The following EXT2 variants were observed in gnomAD, a reference collection of about 807,000 sequenced individuals.
EXT2 encodes exostosin glycosyltransferase 2.
EXT2 carries 53 observed loss-of-function variants against 81.6 expected under a neutral mutation model. The ratio of observed to expected loss-of-function variants is 0.65; its 90% CI spans 0.52 to 0.82. EXT2 has a LOEUF of 0.82. Among genes scored for constraint, EXT2 ranks in the 40% least tolerant of loss-of-function variants. The pLI is 0.00. For synonymous variants in EXT2, 320 were observed against 340.0 expected, an observed-to-expected ratio of 0.94 and a Z score of 0.65; for missense variants, 774 against 910.2, an observed-to-expected ratio of 0.85 and a Z score of 1.93.
intron 7 of EXT2, among the ~76,000 whole-genome samples, chr11:44,132,038 C>T (rs1343722015): frequency 6.6e-6 from 1 of 152,182 alleles, no homozygotes; most frequent in Non-Finnish European, 1.5e-5. Flanking sequence ...ACCTGGCCCA[C>T]TTTGTGTTAC....
At chr11:44,241,647 T>C (rs1025299029) in intron 13 of EXT2, among the ~76,000 whole-genome samples, 3 of 152,166 alleles carry the variant, frequency 2.0e-5, no homozygotes, top group African/African-American at 7.2e-5. Flanking sequence ...AGAAAACCAT[T>C]AGTTCTTTCT....
At chr11:44,192,451 C>G (rs1238388187) in intron 8 of EXT2, among the ~76,000 whole-genome samples, 1 of 152,092 alleles carries the variant, frequency 6.6e-6, no homozygotes. Flanking sequence ...CTATACCAGG[C>G]TTATAGTGTA....
rs776353910 is a variant in EXT2 at position 44,244,224 on chromosome 11, T to C, written c.2094T>C (p.Pro698=). The C allele has an allele frequency of 6.8e-6, 11 of 1,613,970 alleles. No individual in the cohort carries two copies. In the South Asian group the frequency reaches 9.9e-5, roughly 14 times the overall value. Residue 698 remains proline (P), a synonymous_variant, in exon 14 of 14, where the codon CCT becomes CCC. Transcript: ENST00000533608. ...AGGTGGTGGAACACCGAGCTGACCCTGTCCTGTACAAAGATGACTTTCCTG... is the reference window on the plus strand; with the variant it reads ...AGGTGGTGGAACACCGAGCTGACCCCGTCCTGTACAAAGATGACTTTCCTG... ...PLKVVEHRAD[P]VLYKDDFPEK... is the part of the protein sequence containing the mutation.
chr11:44,120,758 A>C (rs374231054), intron 4 of EXT2, among the ~76,000 whole-genome samples: 4 of 152,194 alleles, frequency 2.6e-5, no homozygotes, highest in African/African-American at 9.6e-5. Context: ...GATTGTTGCT[A>C]TTGATAGCTG....
intron 8 of EXT2, among the ~76,000 whole-genome samples, chr11:44,194,489 A>G (rs1201787861): frequency 2.0e-5 from 3 of 152,214 alleles, no homozygotes; most frequent in African/African-American, 7.2e-5. Flanking sequence ...TTGGGTATGT[A>G]TGTAGGAGGG....
At chr11:44,229,915 G>A (rs1469730944) in intron 10 of EXT2, among the ~76,000 whole-genome samples, 3 of 152,182 alleles carry the variant, frequency 2.0e-5, no homozygotes, top group South Asian at 2.1e-4. Flanking sequence ...TTCTTTGTGC[G>A]TGGAATACCA....
chr11:44,243,845 G>C (rs747988933), intron 13 of EXT2, among the ~76,000 whole-genome samples: 13 of 151,816 alleles, frequency 8.6e-5, no homozygotes, highest in Non-Finnish European at 1.6e-4. Context: ...GGAATTTGAG[G>C]GGGAGGGGAA....
intron 13 of EXT2, among the ~76,000 whole-genome samples, chr11:44,242,465 A>C (rs1956048667): frequency 6.6e-6 from 1 of 152,112 alleles, no homozygotes; most frequent in Non-Finnish European, 1.5e-5. Context: ...AGTCACTGGC[A>C]TGTAATGGTA....
At chr11:44,166,506 C>A (rs1954995918) in intron 7 of EXT2, among the ~76,000 whole-genome samples, 1 of 152,168 alleles carries the variant, frequency 6.6e-6, no homozygotes, top group South Asian at 2.1e-4. Context: ...TTCAGCTTTT[C>A]TTTGAGTAGG....
At chr11:44,183,075 C>A (rs1955258955) in intron 8 of EXT2, among the ~76,000 whole-genome samples, 1 of 152,130 alleles carries the variant, frequency 6.6e-6, no homozygotes, top group East Asian at 1.9e-4. Flanking sequence ...TGATGAGATT[C>A]AAATTATGCA....
intron 9 of EXT2, among the ~76,000 whole-genome samples, chr11:44,201,554 C>G (rs1053454922): frequency 2.0e-5 from 3 of 152,138 alleles, no homozygotes; most frequent in Non-Finnish European, 4.4e-5. Flanking sequence ...AAAGCTCATG[C>G]CCTTTGCACT....
intron 5 of EXT2, 133 bp downstream of exon 5, chr11:44,125,117 C>A: frequency 1.2e-6 from 1 of 839,344 alleles, no homozygotes; most frequent in Non-Finnish European, 2.0e-6. Context: ...CATAGCATTG[C>A]TCTTTACTGG....
chr11:44,113,906 G>T (rs754907120), intron 3 of EXT2, among the ~76,000 whole-genome samples: 1 of 152,174 alleles, frequency 6.6e-6, no homozygotes, highest in African/African-American at 2.4e-5. Context: ...GTAGCAGAGA[G>T]GCTGTCCGTA....
chr11:44,159,518 T>G (rs1486747279), intron 7 of EXT2, among the ~76,000 whole-genome samples: 1 of 152,210 alleles, frequency 6.6e-6, no homozygotes, highest in East Asian at 1.9e-4. Context: ...TTCATCTCTC[T>G]GTTTACATTA....
rs191286968 is a variant in EXT2 at position 44,206,981 on chromosome 11, T to C, written c.1662+22T>C. 11 of 1,609,998 alleles carry C rather than the reference T, an allele frequency of 6.8e-6. No homozygotes were observed. In the African/African-American group the frequency reaches 1.3e-4, roughly 20 times the overall value. ...TGAGGTAAGGAGGTTTTACACAGTG[T>C]GTTTATATGTTTAATATTACTTCCT... On this transcript the variant is annotated intron_variant, in intron 10 of 13. Coordinates refer to ENST00000533608, the MANE Select transcript of EXT2 (RefSeq NM_207122.2).
intron 4 of EXT2, among the ~76,000 whole-genome samples, chr11:44,124,482 C>CACACAA (rs1954367853): frequency 6.9e-6 from 1 of 145,752 alleles, no homozygotes; most frequent in Non-Finnish European, 1.5e-5. Flanking sequence ...CACACACACA[C>CACACAA]AATTTATAGC....
chr11:44,142,702 G>T (rs1349706340), intron 7 of EXT2, among the ~76,000 whole-genome samples: 1 of 152,200 alleles, frequency 6.6e-6, no homozygotes, highest in African/African-American at 2.4e-5. Flanking sequence ...GACTATGGTT[G>T]AGGGCAGCAG....
intron 4 of EXT2, 95 bp downstream of exon 4, chr11:44,114,396 C>A: frequency 9.2e-7 from 1 of 1,089,416 alleles, no homozygotes; most frequent in Non-Finnish European, 1.4e-6. Flanking sequence ...ACCAATACAT[C>A]AGTTACAGGG....
chr11:44,100,458 G>C (rs1438124795), intron 1 of EXT2, among the ~76,000 whole-genome samples: 1 of 152,200 alleles, frequency 6.6e-6, no homozygotes, highest in Non-Finnish European at 1.5e-5. Context: ...ATGAGACTCA[G>C]GTGGAAGGAA....
Sources: gnomAD v4.1 joint callset for allele counts (sites outside exome capture counted in the v4.1 genomes callset) on GRCh38, gnomAD v4.1.1 for gene constraint, MANE v1.5 for transcripts, NCBI Gene and HGNC (gene_info 2026-07-23, HGNC 2026-07-21) for gene names.